The following SGCZ variants were observed in gnomAD, a reference collection of about 807,000 sequenced individuals.
SGCZ encodes the protein sarcoglycan zeta.
SGCZ carries 40 observed loss-of-function variants against 41.3 expected under a neutral mutation model. The ratio of observed to expected loss-of-function variants is 0.97; its 90% CI spans 0.75 to 1.26. The LOEUF (loss-of-function observed/expected upper bound fraction) is 1.26. Among genes scored for constraint, SGCZ ranks in the 50% most tolerant of loss-of-function variants. SGCZ has a pLI of 0.00. For missense variants in SGCZ, 552 were observed against 369.8 expected (o/e 1.49, Z -4.04); for synonymous variants, 206 against 137.5 (o/e 1.50, Z -3.49).
chr8:14,330,633 T>C (rs1802283635), intron 2 of SGCZ, among the ~76,000 whole-genome samples: 1 of 152,002 alleles, frequency 6.6e-6, no homozygotes, highest in South Asian at 2.1e-4. Context: ...AAATTTAAAA[T>C]GACATTTGAA....
chr8:14,368,479 G>T (rs28522538), intron 2 of SGCZ, among the ~76,000 whole-genome samples: 2,220 of 152,128 alleles, frequency 0.015, 54 homozygotes, highest in African/African-American at 0.05. Flanking sequence ...TAATTAATCA[G>T]CTTAAGACCT....
chr8:15,066,648 C>T (rs1363457077), intron 1 of SGCZ, among the ~76,000 whole-genome samples: 1 of 152,214 alleles, frequency 6.6e-6, no homozygotes, highest in African/African-American at 2.4e-5. Flanking sequence ...ACCTCCACTT[C>T]TTCCATTTTA....
intron 1 of SGCZ, among the ~76,000 whole-genome samples, chr8:14,775,788 TTGAG>T (rs1233688480): frequency 3.9e-5 from 6 of 152,192 alleles, no homozygotes; most frequent in African/African-American, 1.4e-4. Context: ...GAATTGGTTA[TTGAG>T]TTTTATTTGG....
chr8:14,256,397 A>G (rs1799466352), intron 3 of SGCZ, among the ~76,000 whole-genome samples: 2 of 152,280 alleles, frequency 1.3e-5, no homozygotes, highest in African/African-American at 2.4e-5. Context: ...AGATCCCTAG[A>G]TGGAACTTGT....
At chr8:14,776,468 T>C (rs1305493212) in intron 1 of SGCZ, among the ~76,000 whole-genome samples, 1 of 152,148 alleles carries the variant, frequency 6.6e-6, no homozygotes, top group Non-Finnish European at 1.5e-5. Flanking sequence ...GTCTCGGATA[T>C]GTCTTTATTA....
chr8:14,166,678 C>T (rs1804221352), intron 4 of SGCZ, among the ~76,000 whole-genome samples: 1 of 152,092 alleles, frequency 6.6e-6, no homozygotes, highest in Admixed American at 6.6e-5. Flanking sequence ...CACACACACC[C>T]ACACACACAT....
chr8:14,898,369 C>T (rs554751657), intron 1 of SGCZ, among the ~76,000 whole-genome samples: 52 of 152,238 alleles, frequency 3.4e-4, no homozygotes, highest in African/African-American at 1.3e-3. Flanking sequence ...GAGAAACAGC[C>T]GAGGCTGCCG....
At chr8:14,328,212 A>G (rs958625062) in intron 2 of SGCZ, among the ~76,000 whole-genome samples, 13 of 152,236 alleles carry the variant, frequency 8.5e-5, no homozygotes, top group African/African-American at 3.1e-4. Context: ...TTATGAGTTG[A>G]TGAAATTTGC....
intron 1 of SGCZ, among the ~76,000 whole-genome samples, chr8:14,602,347 C>T (rs574774645): frequency 3.4e-4 from 52 of 151,922 alleles, no homozygotes; most frequent in Middle Eastern, 3.4e-3. Context: ...ACATGTCACC[C>T]AGGCATGGTG....
intron 4 of SGCZ, among the ~76,000 whole-genome samples, chr8:14,171,972 G>A (rs1007599388): frequency 6.6e-6 from 1 of 151,974 alleles, no homozygotes; most frequent in African/African-American, 2.4e-5. Flanking sequence ...CAATATCTTA[G>A]GCAACTGCGT....
At chr8:14,798,817 T>A (rs575491204) in intron 1 of SGCZ, among the ~76,000 whole-genome samples, 1 of 152,076 alleles carries the variant, frequency 6.6e-6, no homozygotes, top group African/African-American at 2.4e-5. Context: ...TAAAACTATG[T>A]CCATTTTAAA....
At chr8:14,562,443 T>G (rs1804234287) in intron 1 of SGCZ, among the ~76,000 whole-genome samples, 1 of 151,908 alleles carries the variant, frequency 6.6e-6, no homozygotes, top group African/African-American at 2.4e-5. Flanking sequence ...ATAAATACAA[T>G]AAAAAAGAAA....
At chr8:14,427,068 GTGAA>G (rs1270599053) in intron 2 of SGCZ, among the ~76,000 whole-genome samples, 1 of 90,552 alleles carries the variant, frequency 1.1e-5, no homozygotes, top group Non-Finnish European at 3.0e-5. Flanking sequence ...GAATGAATGA[GTGAA>G]TGAACGAATG....
At chr8:15,137,225 T>G (rs1808142681) in intron 1 of SGCZ, among the ~76,000 whole-genome samples, 1 of 152,198 alleles carries the variant, frequency 6.6e-6, no homozygotes, top group Non-Finnish European at 1.5e-5. Flanking sequence ...CTATAAACTT[T>G]GAACTTGAGA....
intron 1 of SGCZ, among the ~76,000 whole-genome samples, chr8:14,591,186 C>T (rs1393434960): frequency 1.3e-5 from 2 of 151,750 alleles, no homozygotes; most frequent in Admixed American, 1.3e-4. Flanking sequence ...GGATTACAAT[C>T]ATTTAACAAT....
chr8:14,561,411 G>A (rs1481964695), intron 1 of SGCZ, among the ~76,000 whole-genome samples: 1 of 152,102 alleles, frequency 6.6e-6, no homozygotes, highest in African/African-American at 2.4e-5. Context: ...TTTTCTGAGA[G>A]ACAATATCAT....
At chr8:15,049,931 T>G (rs1177059108) in intron 1 of SGCZ, among the ~76,000 whole-genome samples, 2 of 152,122 alleles carry the variant, frequency 1.3e-5, no homozygotes, top group East Asian at 3.9e-4. Flanking sequence ...TTGTGAGTCC[T>G]CCACAGCCAT....
intron 5 of SGCZ, among the ~76,000 whole-genome samples, chr8:14,130,930 T>C (rs1447596135): frequency 6.6e-6 from 1 of 152,150 alleles, no homozygotes; most frequent in East Asian, 1.9e-4. Context: ...AGCCAACTTC[T>C]TCAAATGCTA....
chr8:14,876,424 C>T (rs905685919), intron 1 of SGCZ, among the ~76,000 whole-genome samples: 27 of 152,106 alleles, frequency 1.8e-4, no homozygotes, highest in Non-Finnish European at 4.4e-5. Flanking sequence ...AATTACGTTA[C>T]TTTCATTTTC....
Sources: gnomAD v4.1 joint callset for allele counts (sites outside exome capture counted in the v4.1 genomes callset) on GRCh38, gnomAD v4.1.1 for gene constraint, MANE v1.5 for transcripts, NCBI Gene and HGNC (gene_info 2026-07-23, HGNC 2026-07-21) for gene names.